MBD6: variants seen among roughly 807,000 people sequenced by gnomAD.
MBD6 encodes methyl-CpG binding domain protein 6, also known as methyl-CpG-binding domain protein 6.
MBD6 carries 22 observed loss-of-function variants against 66.8 expected under a neutral mutation model. That is an observed-to-expected ratio of 0.33 (90% confidence interval 0.24 to 0.47). The LOEUF (loss-of-function observed/expected upper bound fraction) is 0.47. Ranked by LOEUF, MBD6 falls within the 20% of genes least tolerant of loss-of-function variation. The pLI is 1.00. For missense variants in MBD6, 1,322 were observed against 1,286.9 expected, an observed-to-expected ratio of 1.03 and a Z score of -0.42; for synonymous variants, 540 against 534.6, an observed-to-expected ratio of 1.01 and a Z score of -0.14.
chr12:57,527,046 C>G lies in MBD6; in HGVS notation c.1901C>G (p.Thr634Arg), dbSNP rs896267882. 1 of 1,610,398 alleles carries G rather than the reference C, an allele frequency of 6.2e-7. No individual in the cohort carries two copies. Among genetic ancestry groups the G allele is most frequent in the Non-Finnish European group, 8.5e-7 (1 of 1,177,586 alleles). ...CTGCCCCTGTTGGCTCTGGGCCCCA[C>G]AGCTGGGGATGGGGAGGGATCTGCA... Reference protein sequence around the residue: ...SFLPLLALGPTAGDGEGSAEG... With the variant: ...SFLPLLALGPRAGDGEGSAEG... Residue 634 changes from threonine (T) to arginine (R), a missense_variant, in exon 7 of 13, where the codon ACA (threonine) becomes AGA (arginine). By Grantham distance (71) the Thr-to-Arg change is moderately conservative. Coordinates refer to ENST00000355673, the MANE Select transcript of MBD6 (RefSeq NM_052897.4).
At chr12:57,527,293 A>T (rs1879063747) in intron 7 of MBD6, 66 bp downstream of exon 7, 12 of 1,193,602 alleles carry the variant, frequency 1.0e-5, no homozygotes, top group Non-Finnish European at 1.3e-5. Flanking sequence ...GCTGGGAATC[A>T]AAAGCTTTCA....
intron 3 of MBD6, 118 bp downstream of exon 3, chr12:57,524,534 C>T: frequency 9.1e-7 from 1 of 1,100,214 alleles, no homozygotes. Flanking sequence ...CTTCCCCTTC[C>T]TTCCTCAGCC....
At position 57,528,581 on chromosome 12, in the gene MBD6, G is replaced by T. The variant is rs760198508; in HGVS notation, c.2820+21G>T. 78 of 1,611,470 alleles carry T rather than the reference G, an allele frequency of 4.8e-5. No homozygotes were observed. The East Asian group carries it at 1.7e-3, about 35-fold the overall frequency. ...TTAAGGTGAGTGCAGAGTGCTGGTA[G>T]TCTGGGCTCAGGGGCTCTGAGGAAA... On this transcript the variant is annotated intron_variant, in intron 10 of 12. Transcript: ENST00000355673.
chr12:57,524,386 G>A lies in MBD6; in HGVS notation c.83G>A (p.Cys28Tyr). Residue 28 changes from cysteine (C) to tyrosine (Y), a missense_variant, in exon 3 of 13, where the codon TGT (cysteine) becomes TAT (tyrosine). Physicochemically the swap from Cys to Tyr is radical, Grantham distance 194. Transcript: ENST00000355673. ...TCTGTCCCCATCGGCTGGCAGCGCT[G>A]TGTGCGAGAGGGTGCTGTGCTCTAC... ...ATSVPIGWQRCVREGAVLYIS... is the reference protein window; with the variant it reads ...ATSVPIGWQRYVREGAVLYIS... 1.9e-6 allele frequency: 3 copies of A among 1,597,562 alleles called. No individual in the cohort carries two copies. The highest frequency in any genetic ancestry group is 2.7e-5 in the African/African-American group (2 of 74,180).
Position 57,529,240 on chromosome 12 carries a change from A to G in MBD6, c.*6A>G. On this transcript the variant is annotated 3_prime_UTR_variant, in exon 13 of 13. Transcript: ENST00000355673. ...GGAGGAAACTGGCCCCATAGCAGCCATACCTGGAGCTGGATCTGACCCTGA... is the reference window on the plus strand; with the variant it reads ...GGAGGAAACTGGCCCCATAGCAGCCGTACCTGGAGCTGGATCTGACCCTGA... The G allele has an allele frequency of 2.5e-6, 4 of 1,614,072 alleles. No homozygotes were observed. Among genetic ancestry groups the G allele is most frequent in the South Asian group, 1.1e-5 (1 of 91,086 alleles).
At chr12:57,528,609 T>G (rs758468269) in intron 10 of MBD6, 49 bp downstream of exon 10, 3 of 1,613,268 alleles carry the variant, frequency 1.9e-6, no homozygotes, top group Non-Finnish European at 1.7e-6. Flanking sequence ...TGAGGAAAGG[T>G]TGGGGCTTTG....
At chr12:57,521,127 G>T (rs1415919261), upstream of MBD6, 1 of 152,276 alleles carries the variant, frequency 6.6e-6, no homozygotes, top group East Asian at 1.9e-4. Context: ...TTTTAAAGTT[G>T]GTATCCATCC....
intron 5 of MBD6, 98 bp from the exon 6 acceptor site, chr12:57,525,250 A>G: frequency 6.7e-7 from 1 of 1,484,670 alleles, no homozygotes; most frequent in Non-Finnish European, 9.1e-7. Flanking sequence ...AGGAGGGCAC[A>G]GGGAGGTTGG....
upstream of MBD6, chr12:57,522,759 A>ACGGCGGCGGCAGCGACGGCGGCGGCGG (rs1555170195): frequency 6.5e-6 from 1 of 153,606 alleles, no homozygotes; most frequent in Non-Finnish European, 1.4e-5. Flanking sequence ...TGCGGCAGCG[A>ACGGCGGCGGCAGCGACGGCGGCGGCGG]CGGCGGCGGC....
chr12:57,527,694 G>A (rs894802573), intron 8 of MBD6, 34 bp downstream of exon 8: 3 of 1,562,040 alleles, frequency 1.9e-6, no homozygotes, highest in African/African-American at 1.4e-5. Flanking sequence ...CACACTCTTG[G>A]TGTGAAAAAG....
At chr12:57,524,203 G>A in intron 2 of MBD6, 77 bp from the exon 3 acceptor site, 1 of 872,374 alleles carries the variant, frequency 1.1e-6, no homozygotes, top group Non-Finnish European at 1.7e-6. Context: ...CACAACCTTT[G>A]CCTTCCTGGA....
chr12:57,527,039 G>A lies in MBD6; in HGVS notation c.1894G>A (p.Gly632Ser). 6 of 1,611,406 alleles carry A rather than the reference G, an allele frequency of 3.7e-6. No homozygotes were observed. The highest frequency in any genetic ancestry group is 5.1e-6 in the Non-Finnish European group (6 of 1,178,336). ...LASFLPLLAL[G>S]PTAGDGEGSA... ...CTCTTTCCTGCCCCTGTTGGCTCTG[G>A]GCCCCACAGCTGGGGATGGGGAGGG... is the stretch of plus-strand genomic sequence containing the variant. Residue 632 changes from glycine (G) to serine (S), a missense_variant, in exon 7 of 13, where the codon GGC becomes AGC. Transcript: ENST00000355673.
At chr12:57,527,484 T>G in intron 7 of MBD6, 23 bp from the exon 8 acceptor site, 1 of 1,613,416 alleles carries the variant, frequency 6.2e-7, no homozygotes, top group Non-Finnish European at 8.5e-7. Flanking sequence ...CGCGTAAGTG[T>G]TAGAATCATT....
upstream of MBD6, chr12:57,520,880 G>A (rs1878281022): frequency 6.3e-6 from 1 of 159,810 alleles, no homozygotes; most frequent in Non-Finnish European, 1.4e-5. Context: ...GGTGGGAGGT[G>A]CGGAGGGTGG....
At chr12:57,526,505 G>C in intron 6 of MBD6, 61 bp from the exon 7 acceptor site, 1 of 1,510,822 alleles carries the variant, frequency 6.6e-7, no homozygotes, top group Non-Finnish European at 8.9e-7. Flanking sequence ...AGGGAGGTTG[G>C]CTTCTTTGGA....
In MBD6 at chr12:57,529,479, T is replaced by G; in HGVS notation, c.*245T>G. 2.1e-6 allele frequency: 1 copy of G among 482,480 alleles called. No individual in the cohort carries two copies. The highest frequency in any genetic ancestry group is 3.6e-6 in the Non-Finnish European group (1 of 276,540). 29.9% of individuals were successfully genotyped at this position (482,480 alleles called of 1,614,324 possible). On this transcript the variant is annotated 3_prime_UTR_variant, in exon 13 of 13. Coordinates refer to ENST00000355673, the MANE Select transcript of MBD6 (RefSeq NM_052897.4). ...TGTCACTGAAAAGGCCTGGGGGGGA[T>G]GGTATATGGCCCTTTCCCCACCAGG...
chr12:57,524,668 G>A (rs753628940), intron 3 of MBD6, 52 bp from the exon 4 acceptor site: 1 of 1,526,548 alleles, frequency 6.6e-7, no homozygotes, highest in South Asian at 1.1e-5. Context: ...TAGGAGTATT[G>A]CCTGATTCGC....
rs1298592357 is a variant in MBD6, at chr12:57,525,913, A to G, written c.945A>G (p.Ala315=). The change falls in exon 6 of 13, where the codon GCA becomes GCG. Residue 315 remains alanine, a synonymous_variant. Coordinates refer to ENST00000355673, the MANE Select transcript of MBD6 (RefSeq NM_052897.4). ...GGAPTVEGPG[A]PPFLASSLLS... The stretch of plus-strand genomic sequence containing the variant: ...CCCCCACGGTGGAGGGGCCTGGGGC[A>G]CCCCCCTTCCTTGCTAGCAGCCTAC... The G allele has an allele frequency of 1.3e-6, 2 of 1,564,996 alleles. No individual in the cohort carries two copies. Among genetic ancestry groups the G allele is most frequent in the Non-Finnish European group, 1.7e-6 (2 of 1,153,720 alleles).
intron 2 of MBD6, 93 bp downstream of exon 2, chr12:57,524,185 G>C: frequency 1.5e-6 from 1 of 673,272 alleles, no homozygotes; most frequent in Non-Finnish European, 2.3e-6. Flanking sequence ...AGTTTTCTTG[G>C]GTCTCCCCAC....
Sources: gnomAD v4.1 joint callset for allele counts on GRCh38, gnomAD v4.1.1 for gene constraint, MANE v1.5 for transcripts, NCBI Gene and HGNC (gene_info 2026-07-23, HGNC 2026-07-21) for gene names.